The following ACOXL variants were observed in gnomAD, a reference collection of about 807,000 sequenced individuals.
The protein encoded by ACOXL is acyl-CoA oxidase like, also known as acyl-coenzyme A oxidase-like protein.
ACOXL carries 70 observed loss-of-function variants against 71.9 expected under a neutral mutation model. The observed-to-expected ratio is 0.97, with a 90% CI of 0.80 to 1.19. The LOEUF is 1.19. Among genes scored for constraint, ACOXL ranks in the 50% most tolerant of loss-of-function variants. The pLI is 0.00. For missense variants in ACOXL, 703 were observed against 736.3 expected (o/e 0.95, Z 0.52); for synonymous variants, 253 against 281.6 (o/e 0.90, Z 1.02).
intron 12 of ACOXL, among the ~76,000 whole-genome samples, chr2:110,986,490 G>C (rs1369225159): frequency 6.6e-6 from 1 of 152,180 alleles, no homozygotes; most frequent in Non-Finnish European, 1.5e-5. Context: ...CAGCATGTCG[G>C]GGCTGAGTGG....
chr2:110,906,847 G>C (rs1017925181), intron 10 of ACOXL, among the ~76,000 whole-genome samples: 2 of 152,212 alleles, frequency 1.3e-5, no homozygotes, highest in Non-Finnish European at 2.9e-5. Context: ...CTAGCATGAT[G>C]CTGGGCACAG....
intron 11 of ACOXL, among the ~76,000 whole-genome samples, chr2:110,910,555 T>TA (rs1255267931): frequency 6.6e-6 from 1 of 152,250 alleles, no homozygotes; most frequent in African/African-American, 2.4e-5. Flanking sequence ...GGTACTGTTT[T>TA]ACAGGCCCTC....
At chr2:111,097,335 C>T (rs138957716) in intron 17 of ACOXL, among the ~76,000 whole-genome samples, 76 of 152,310 alleles carry the variant, frequency 5.0e-4, no homozygotes, top group African/African-American at 1.7e-3. Flanking sequence ...TACTCTTACA[C>T]AGAGATGAGA....
At chr2:111,016,370 T>C (rs543251384) in intron 14 of ACOXL, 2 of 152,324 alleles carry the variant, frequency 1.3e-5, no homozygotes, top group East Asian at 1.9e-4. Flanking sequence ...CATATGTGCA[T>C]GTAAGGAATC....
rs527520349 is a variant in ACOXL, at chr2:110,841,415, T to C, written c.788+10T>C. On this transcript the variant is annotated intron_variant, in intron 10 of 17. Transcript: ENST00000439055. Reference sequence around the variant, plus strand: ...TTCGCTATAGCCACAGGTAAATGTTTACATTTTTGTTTCTTTTAAGAATTA... The same window carrying C: ...TTCGCTATAGCCACAGGTAAATGTTCACATTTTTGTTTCTTTTAAGAATTA... 1.2e-6 allele frequency: 2 copies of C among 1,606,316 alleles called. No homozygotes were observed. The highest frequency in any genetic ancestry group is 1.1e-5 in the South Asian group (1 of 90,328).
At chr2:111,015,752 G>A (rs1346166591) in intron 14 of ACOXL, among the ~76,000 whole-genome samples, 3 of 152,058 alleles carry the variant, frequency 2.0e-5, no homozygotes, top group Non-Finnish European at 4.4e-5. Context: ...TAAATAAACT[G>A]TGATATCTGT....
chr2:111,092,773 A>C, intron 16 of ACOXL, 92 bp from the exon 17 acceptor site: 1 of 874,830 alleles, frequency 1.1e-6, no homozygotes. Context: ...ATGAAATGTA[A>C]TATTATGTTA....
chr2:110,735,475 A>G (rs989193545), intron 1 of ACOXL, among the ~76,000 whole-genome samples: 1 of 152,212 alleles, frequency 6.6e-6, no homozygotes, highest in African/African-American at 2.4e-5. Context: ...ATCCCAGGGC[A>G]TAAGAGCTCA....
chr2:110,988,857 T>TTGTGTGTGTG (rs70958753), intron 13 of ACOXL, among the ~76,000 whole-genome samples: 17,527 of 143,196 alleles, frequency 0.12, 1,266 homozygotes, highest in East Asian at 0.29. Context: ...CCTATTTTTA[T>TTGTGTGTGTG]TGTGTGTGTG....
chr2:110,979,861 G>A (rs1057106068), intron 12 of ACOXL, among the ~76,000 whole-genome samples: 2 of 152,178 alleles, frequency 1.3e-5, no homozygotes, highest in African/African-American at 4.8e-5. Context: ...CATCGCTTTG[G>A]GGGAACATTG....
At chr2:110,800,217 A>T (rs1003613177) in intron 7 of ACOXL, among the ~76,000 whole-genome samples, 1 of 152,210 alleles carries the variant, frequency 6.6e-6, no homozygotes, top group East Asian at 1.9e-4. Context: ...CTGTGGCTTC[A>T]TTCTTGAAGT....
In ACOXL at chr2:111,089,128, G is replaced by A. The variant is rs769507814; in HGVS notation, c.1441-3737G>A. On this transcript the variant is annotated intron_variant, in intron 16 of 17. Transcript: ENST00000439055. ...ATCCTGGCCAACATGGTGAAACCCC[G>A]TCTCTACTAAAAATACAAAAACTTA... Among the ~76,000 whole-genome samples the A allele has an allele frequency of 3.9e-5, 6 of 152,060 alleles. No individual in the cohort carries two copies. In the South Asian group the frequency reaches 6.2e-4, roughly 16 times the overall value.
rs146715038 is a variant in ACOXL, at chr2:110,756,934, T to C, written c.-22-11434T>C. On this transcript the variant is annotated intron_variant, in intron 1 of 17. Transcript: ENST00000439055. ...TAAATTCAGGGGTACATGTGCAGGA[T>C]GTGCACATTTGTTACATAGGTAAAC... 1.0e-3 allele frequency among the ~76,000 whole-genome samples: 159 copies of C among 152,330 alleles called. 1 individual carries two copies. Among genetic ancestry groups the C allele is most frequent in the Middle Eastern group, 3.4e-3 (1 of 294 alleles).
chr2:110,769,675 C>T (rs910417799), intron 2 of ACOXL, among the ~76,000 whole-genome samples: 1 of 151,580 alleles, frequency 6.6e-6, no homozygotes. Flanking sequence ...CAAAACAAAA[C>T]AAAACAAAAA....
chr2:111,011,293 A>G (rs1054988524), intron 14 of ACOXL, among the ~76,000 whole-genome samples: 3 of 152,220 alleles, frequency 2.0e-5, no homozygotes, highest in African/African-American at 4.8e-5. Context: ...GACTGAGACA[A>G]AAAGGAAAAC....
intron 9 of ACOXL, among the ~76,000 whole-genome samples, chr2:110,839,175 C>T (rs1190163384): frequency 1.3e-5 from 2 of 151,916 alleles, no homozygotes; most frequent in South Asian, 4.2e-4. Context: ...ATTTCCTCTC[C>T]CTACTCCAGC....
At chr2:111,067,075 C>T (rs2067110339) in intron 16 of ACOXL, among the ~76,000 whole-genome samples, 1 of 152,094 alleles carries the variant, frequency 6.6e-6, no homozygotes, top group African/African-American at 2.4e-5. Context: ...TCTCATAAAA[C>T]TTACAAAAAT....
Position 110,943,166 on chromosome 2 carries a change from A to AAGG in ACOXL, c.1059+9525_1059+9527dup, listed in dbSNP as rs200044777. Among the ~76,000 whole-genome samples the AAGG allele has an allele frequency of 6.1e-3, 868 of 141,506 alleles. 11 individuals carry two copies. The highest frequency in any genetic ancestry group is 0.021 in the African/African-American group (803 of 37,796). 92.8% of individuals were successfully genotyped at this position (141,506 alleles called of 152,430 possible). A position where few individuals can be genotyped will look rare whatever the true frequency, so the allele number is the denominator to read the frequency against. On this transcript the variant is annotated intron_variant, in intron 12 of 17. Transcript: ENST00000439055. ...AGGAAGAAAGAGAAAGAAAAAGAAA[A>AAGG]AGGGAGGGAGGGAAAGAAGGAAGGA...
chr2:110,943,309 AAGAG>A (rs1255892520), intron 12 of ACOXL, among the ~76,000 whole-genome samples: 1 of 151,282 alleles, frequency 6.6e-6, no homozygotes, highest in Non-Finnish European at 1.5e-5. Flanking sequence ...AGAAGAGAGA[AAGAG>A]AAAAAGAAAA....
Sources: allele counts gnomAD v4.1 joint callset (sites outside exome capture counted in the v4.1 genomes callset), GRCh38; gene constraint gnomAD v4.1.1; transcripts MANE v1.5; gene names NCBI Gene and HGNC (gene_info 2026-07-23, HGNC 2026-07-21).